Variants in L3MBTL4 observed in about 807,000 individuals in gnomAD.
The protein encoded by L3MBTL4 is L3MBTL histone methyl-lysine binding protein 4, also known as lethal(3)malignant brain tumor-like protein 4.
L3MBTL4 carries 70 observed loss-of-function variants against 84.5 expected under a neutral mutation model. That is an observed-to-expected ratio of 0.83 (90% CI 0.68 to 1.01). The LOEUF is 1.01. L3MBTL4 is among the 50% of genes least tolerant of loss of function. The pLI, the probability that L3MBTL4 is intolerant of heterozygous loss-of-function variation, is 0.00. For missense variants in L3MBTL4, 715 were observed against 754.8 expected (o/e 0.95, Z 0.62); for synonymous variants, 274 against 259.8 (o/e 1.05, Z -0.52).
At chr18:6,255,642 G>A (rs1310855530) in intron 5 of L3MBTL4, among the ~76,000 whole-genome samples, 1 of 152,076 alleles carries the variant, frequency 6.6e-6, no homozygotes, top group Non-Finnish European at 1.5e-5. Flanking sequence ...TATGCCTTGT[G>A]ATTTAAACTC....
chr18:6,232,277 T>C (rs1305829090), intron 10 of L3MBTL4, among the ~76,000 whole-genome samples: 3 of 152,074 alleles, frequency 2.0e-5, no homozygotes, highest in Admixed American at 6.6e-5. Flanking sequence ...ATACTGTTGA[T>C]TTTGGGTTTT....
chr18:6,301,637 T>G lies in L3MBTL4; in HGVS notation c.127+266A>C, dbSNP rs959783757. 5.3e-5 allele frequency among the ~76,000 whole-genome samples: 8 copies of G among 152,146 alleles called. No individual in the cohort carries two copies. The South Asian group carries it at 6.2e-4, about 12-fold the overall frequency. On this transcript the variant is annotated intron_variant, in intron 4 of 18. Coordinates refer to ENST00000317931, the MANE Select transcript of L3MBTL4 (RefSeq NM_001330559.2). ...TTATTTTCTTGTTCACAGAGAAAAT[T>G]TACAAATAAGTTGTTTTATTTAAAG...
At chr18:6,052,563 A>G (rs1237220950) in intron 16 of L3MBTL4, among the ~76,000 whole-genome samples, 1 of 152,252 alleles carries the variant, frequency 6.6e-6, no homozygotes, top group Admixed American at 6.5e-5. Flanking sequence ...GGAATAACAA[A>G]TATCAGTCTT....
intron 17 of L3MBTL4, among the ~76,000 whole-genome samples, chr18:5,961,193 T>C (rs667157): frequency 1 from 152,047 of 152,332 alleles, 75,882 homozygotes; most frequent in Middle Eastern, 1. Flanking sequence ...GAAAGGTTCT[T>C]GAGGCTGGAG....
intron 4 of L3MBTL4, among the ~76,000 whole-genome samples, chr18:6,270,266 T>C (rs913771103): frequency 3.3e-5 from 5 of 152,194 alleles, no homozygotes; most frequent in African/African-American, 1.2e-4. Flanking sequence ...ACGGGACCCT[T>C]TCCATGCTCT....
chr18:6,014,546 G>A (rs1007500415), intron 16 of L3MBTL4, among the ~76,000 whole-genome samples: 3 of 152,134 alleles, frequency 2.0e-5, no homozygotes, highest in Non-Finnish European at 4.4e-5. Flanking sequence ...TCCAAATCTC[G>A]ATTAGCAGGG....
intron 16 of L3MBTL4, among the ~76,000 whole-genome samples, chr18:6,010,203 A>G (rs1306925793): frequency 6.6e-6 from 1 of 152,034 alleles, no homozygotes; most frequent in African/African-American, 2.4e-5. Flanking sequence ...CTCTTTCTTG[A>G]TAAGACAGGC....
chr18:6,037,771 T>C (rs907965943), intron 16 of L3MBTL4, among the ~76,000 whole-genome samples: 4 of 152,192 alleles, frequency 2.6e-5, no homozygotes, highest in African/African-American at 9.7e-5. Flanking sequence ...TAAAGGATTG[T>C]GGTTTAGAAA....
intron 16 of L3MBTL4, among the ~76,000 whole-genome samples, chr18:6,068,251 T>G (rs539369082): frequency 3.5e-4 from 54 of 152,308 alleles, no homozygotes; most frequent in Middle Eastern, 6.8e-3. Context: ...TCCCAGTATT[T>G]TATTTACTAA....
chr18:6,037,654 G>A (rs1257674552), intron 16 of L3MBTL4, among the ~76,000 whole-genome samples: 2 of 152,206 alleles, frequency 1.3e-5, no homozygotes, highest in East Asian at 1.9e-4. Flanking sequence ...TCTACTAACA[G>A]GTGAAGTATT....
At chr18:6,400,584 G>T (rs537684884) in intron 1 of L3MBTL4, among the ~76,000 whole-genome samples, 1 of 151,968 alleles carries the variant, frequency 6.6e-6, no homozygotes, top group Admixed American at 6.6e-5. Flanking sequence ...TAATTTTTTC[G>T]TATTTTTAGT....
intron 10 of L3MBTL4, among the ~76,000 whole-genome samples, chr18:6,237,105 T>A (rs906256541): frequency 2.6e-5 from 4 of 152,222 alleles, no homozygotes; most frequent in Non-Finnish European, 5.9e-5. Context: ...AGAGCAAGTC[T>A]CTAAACATTT....
chr18:6,253,330 G>A (rs1166435564), intron 5 of L3MBTL4, among the ~76,000 whole-genome samples: 3 of 152,194 alleles, frequency 2.0e-5, no homozygotes. Flanking sequence ...TACAAAACCT[G>A]GAATTCAAAT....
intron 14 of L3MBTL4, among the ~76,000 whole-genome samples, chr18:6,129,368 C>CTGTGTGTG (rs772735191): frequency 0.022 from 3,026 of 138,246 alleles, 47 homozygotes; most frequent in African/African-American, 0.045. Flanking sequence ...GGAATTCTCT[C>CTGTGTGTG]TGTGTGTGTG....
intron 4 of L3MBTL4, among the ~76,000 whole-genome samples, chr18:6,265,932 T>C (rs1401129159): frequency 6.6e-6 from 1 of 152,172 alleles, no homozygotes; most frequent in Non-Finnish European, 1.5e-5. Context: ...TAATGTTATA[T>C]ACCTCAAAAC....
intron 13 of L3MBTL4, among the ~76,000 whole-genome samples, chr18:6,148,875 C>T (rs1278482931): frequency 6.6e-6 from 1 of 151,944 alleles, no homozygotes; most frequent in Non-Finnish European, 1.5e-5. Context: ...TTAAATGGCA[C>T]CTAAGGGTTT....
intron 1 of L3MBTL4, among the ~76,000 whole-genome samples, chr18:6,338,166 T>A (rs2052434436): frequency 1.1e-4 from 15 of 142,680 alleles, no homozygotes; most frequent in East Asian, 2.1e-4. Context: ...AAGAAGAAAA[T>A]GGAGAAGGAG....
intron 1 of L3MBTL4, among the ~76,000 whole-genome samples, chr18:6,389,144 C>T (rs2054942836): frequency 6.6e-6 from 1 of 152,116 alleles, no homozygotes; most frequent in Admixed American, 6.5e-5. Flanking sequence ...CCTACCTTTA[C>T]CCTCATTAAA....
intron 4 of L3MBTL4, among the ~76,000 whole-genome samples, chr18:6,281,008 C>T (rs1028777237): frequency 3.9e-5 from 6 of 151,926 alleles, no homozygotes; most frequent in South Asian, 2.1e-4. Context: ...ACTGCTTGAG[C>T]CGCTATGTCT....
Sources: allele counts gnomAD v4.1 joint callset (sites outside exome capture counted in the v4.1 genomes callset), GRCh38; gene constraint gnomAD v4.1.1; transcripts MANE v1.5; gene names NCBI Gene and HGNC (gene_info 2026-07-23, HGNC 2026-07-21).